MAPRE3: variants seen among roughly 807,000 people sequenced by gnomAD.
The protein encoded by MAPRE3 is microtubule associated protein RP/EB family member 3.
A neutral mutation model predicts 30.5 loss-of-function variants in MAPRE3; 2 were observed. The observed-to-expected ratio is 0.07, with a 90% confidence interval of 0.03 to 0.21. The LOEUF is 0.21. MAPRE3 is among the 10% of genes least tolerant of loss of function. The pLI is 1.00. For missense variants in MAPRE3, 204 were observed against 351.8 expected, an observed-to-expected ratio of 0.58 and a Z score of 3.36; for synonymous variants, 110 against 127.7, an observed-to-expected ratio of 0.86 and a Z score of 0.93.
intron 1 of MAPRE3, among the ~76,000 whole-genome samples, chr2:27,017,523 G>C (rs888664205): frequency 3.3e-5 from 5 of 152,156 alleles, no homozygotes; most frequent in African/African-American, 2.4e-5. Flanking sequence ...GAAGACCTGG[G>C]CATTTTTCAA....
intron 1 of MAPRE3, among the ~76,000 whole-genome samples, chr2:26,971,120 C>A (rs980088969): frequency 6.6e-6 from 1 of 152,128 alleles, no homozygotes; most frequent in Non-Finnish European, 1.5e-5. Flanking sequence ...CTGATATTTT[C>A]TCCAAACTAC....
chr2:26,985,484 A>G lies in MAPRE3; in HGVS notation c.-8+14682A>G, dbSNP rs1666198791. Among the ~76,000 whole-genome samples the G allele has an allele frequency of 6.6e-6, 1 of 152,214 alleles. No homozygotes were observed. Among genetic ancestry groups the G allele is most frequent in the African/African-American group, 2.4e-5 (1 of 41,448 alleles). On this transcript the variant is annotated intron_variant, in intron 1 of 6. Transcript: ENST00000233121. This position sits in a 1 kb window ranked among gnomAD's most constrained non-coding sequence, Gnocchi z 4.2. ...CTCCCCACTTGCTCAGGTGTGGCCCAGACCAGTGCTGTACCATACTGCCAT... is the reference window on the plus strand; with the variant it reads ...CTCCCCACTTGCTCAGGTGTGGCCCGGACCAGTGCTGTACCATACTGCCAT...
At chr2:27,008,490 A>G (rs1272039879) in intron 1 of MAPRE3, among the ~76,000 whole-genome samples, 2 of 152,178 alleles carry the variant, frequency 1.3e-5, no homozygotes, top group Non-Finnish European at 2.9e-5. Context: ...CTGAATTTGG[A>G]TTTTTTGGAG....
In MAPRE3 at chr2:27,026,458, T is replaced by A; in HGVS notation, c.*110T>A. 1.0e-6 allele frequency: 1 copy of A among 971,654 alleles called. No individual in the cohort carries two copies. The allele number at this position is 971,654 out of a possible 1,614,324, so 60.2% of individuals were successfully genotyped here. A position where few individuals can be genotyped will look rare whatever the true frequency, so the allele number is the denominator to read the frequency against. On this transcript the variant is annotated 3_prime_UTR_variant, in exon 7 of 7. Coordinates refer to ENST00000233121, the MANE Select transcript of MAPRE3 (RefSeq NM_012326.4). ...CGGTCGGCCGGGTGCTTTGTGTCAG[T>A]GCTGCAGCACTGGGGAGCCAGGCGA...
chr2:27,007,382 CT>C (rs1274190962), intron 1 of MAPRE3, among the ~76,000 whole-genome samples: 17 of 152,178 alleles, frequency 1.1e-4, no homozygotes, highest in Admixed American at 1.1e-3. Context: ...AGCCCGGATT[CT>C]TCTTAATTGT....
chr2:26,997,834 G>A (rs1289027423), intron 1 of MAPRE3, among the ~76,000 whole-genome samples: 2 of 152,170 alleles, frequency 1.3e-5, no homozygotes, highest in Non-Finnish European at 2.9e-5. Flanking sequence ...AGGCTAGAGA[G>A]GTCAACGAAG....
chr2:26,975,676 T>C (rs1666002423), intron 1 of MAPRE3, among the ~76,000 whole-genome samples: 1 of 152,260 alleles, frequency 6.6e-6, no homozygotes, highest in Non-Finnish European at 1.5e-5. Context: ...TGACTTGTTA[T>C]AAGAAGCATG....
chr2:27,014,599 C>A (rs1000210276), intron 1 of MAPRE3: 11 of 152,510 alleles, frequency 7.2e-5, no homozygotes, highest in African/African-American at 2.6e-4. Context: ...TGCCCCGTCT[C>A]TGCATTGATT....
chr2:26,991,167 T>A (rs1324311796), intron 1 of MAPRE3, among the ~76,000 whole-genome samples: 2 of 152,044 alleles, frequency 1.3e-5, no homozygotes, highest in Non-Finnish European at 2.9e-5. Flanking sequence ...GGCAGGAGAA[T>A]GGTGTGAACC....
At chr2:26,994,249 T>C (rs576927071) in intron 1 of MAPRE3, among the ~76,000 whole-genome samples, 4 of 152,362 alleles carry the variant, frequency 2.6e-5, no homozygotes, top group East Asian at 1.9e-4. Context: ...TAGGCACATT[T>C]GTACCAGAAA....
At chr2:27,001,633 C>G (rs987722556) in intron 1 of MAPRE3, among the ~76,000 whole-genome samples, 2 of 152,130 alleles carry the variant, frequency 1.3e-5, no homozygotes, top group Non-Finnish European at 2.9e-5. Flanking sequence ...GCCTAGGAAA[C>G]AAATCAAGAC....
chr2:26,989,539 TGTTCC>T (rs1666292172), intron 1 of MAPRE3, among the ~76,000 whole-genome samples: 1 of 152,226 alleles, frequency 6.6e-6, no homozygotes, highest in Non-Finnish European at 1.5e-5. Context: ...AGGTTATTGC[TGTTCC>T]CATCGCCCAA....
intron 1 of MAPRE3, among the ~76,000 whole-genome samples, chr2:26,990,219 T>G (rs1418327068): frequency 6.6e-6 from 1 of 152,156 alleles, no homozygotes; most frequent in Non-Finnish European, 1.5e-5. Flanking sequence ...GACCAAAGTT[T>G]GAAGAACAGT....
intron 1 of MAPRE3, among the ~76,000 whole-genome samples, chr2:26,981,852 C>T (rs1186404686): frequency 1.3e-5 from 2 of 152,188 alleles, no homozygotes; most frequent in African/African-American, 4.8e-5. Flanking sequence ...TCTTCCCAGG[C>T]TTGACAGTCG....
At chr2:26,977,161 G>A (rs761127989) in intron 1 of MAPRE3, among the ~76,000 whole-genome samples, 2 of 152,200 alleles carry the variant, frequency 1.3e-5, no homozygotes, top group Non-Finnish European at 1.5e-5. Context: ...AAGAGCATGT[G>A]CCAAGTCATA....
chr2:26,981,105 A>C (rs1666105793), intron 1 of MAPRE3, among the ~76,000 whole-genome samples: 2 of 152,124 alleles, frequency 1.3e-5, no homozygotes. Context: ...GAGTTCTTGA[A>C]GGTCTGAATT....
At chr2:26,975,343 G>A (rs979785044) in intron 1 of MAPRE3, among the ~76,000 whole-genome samples, 2 of 152,158 alleles carry the variant, frequency 1.3e-5, no homozygotes, top group Non-Finnish European at 2.9e-5. Context: ...AGGGGGCAAG[G>A]GAAAGGAGCT....
intron 1 of MAPRE3, among the ~76,000 whole-genome samples, chr2:26,998,673 T>C (rs1666519547): frequency 6.6e-6 from 1 of 152,172 alleles, no homozygotes; most frequent in African/African-American, 2.4e-5. Context: ...GACATACTTC[T>C]GTGTTAGAAG....
At chr2:27,022,973 C>T (rs150090140) in intron 2 of MAPRE3, 1 of 185,484 alleles carries the variant, frequency 5.4e-6, no homozygotes, top group Non-Finnish European at 1.1e-5. Context: ...CTCTCTGGGT[C>T]CAGCTCTCAG....
Sources: allele counts gnomAD v4.1 joint callset (sites outside exome capture counted in the v4.1 genomes callset), GRCh38; gene constraint gnomAD v4.1.1; non-coding constraint Gnocchi (gnomAD v3.1); transcripts MANE v1.5; gene names NCBI Gene and HGNC (gene_info 2026-07-23, HGNC 2026-07-21).